The following IMPG1 variants were observed in gnomAD, a reference collection of about 807,000 sequenced individuals.
IMPG1 encodes the protein interphotoreceptor matrix proteoglycan 1.
A neutral mutation model predicts 92.0 loss-of-function variants in IMPG1; 85 were observed. That is an observed-to-expected ratio of 0.92 (90% CI 0.78 to 1.11). The LOEUF (loss-of-function observed/expected upper bound fraction) is 1.11. Ranked by LOEUF, IMPG1 falls within the 50% of genes least tolerant of loss-of-function variation. The probability of loss-of-function intolerance (pLI) is 0.00; values close to 1 mark genes in which losing one functional copy is unlikely to be tolerated. For missense variants in IMPG1, 1,022 were observed against 956.0 expected (o/e 1.07, Z -0.91); for synonymous variants, 367 against 334.1 (o/e 1.10, Z -1.08).
chr6:75,962,926 A>G (rs1252454618), intron 12 of IMPG1, among the ~76,000 whole-genome samples: 1 of 152,066 alleles, frequency 6.6e-6, no homozygotes, highest in Admixed American at 6.6e-5. Context: ...CTGTAGTCCC[A>G]GCTACGTGGG....
Position 75,953,434 on chromosome 6 carries a change from C to T in IMPG1, c.1292-2340G>A, listed in dbSNP as rs142228413. ...CCTCCCCTATCCCTCCCCTACTGTGCGACAGGTGTGTGATGTTCCCCTCCA... is the reference window on the plus strand; with the variant it reads ...CCTCCCCTATCCCTCCCCTACTGTGTGACAGGTGTGTGATGTTCCCCTCCA... On this transcript the variant is annotated intron_variant, in intron 12 of 16. Coordinates refer to ENST00000369950, the MANE Select transcript of IMPG1 (RefSeq NM_001563.4). Among the ~76,000 whole-genome samples the T allele has an allele frequency of 7.2e-3, 1,086 of 151,826 alleles. 10 individuals carry two copies. Among genetic ancestry groups the T allele is most frequent in the African/African-American group, 0.024 (1,010 of 41,380 alleles).
At chr6:75,948,656 C>T (rs376030946) in intron 13 of IMPG1, among the ~76,000 whole-genome samples, 1 of 152,148 alleles carries the variant, frequency 6.6e-6, no homozygotes, top group Non-Finnish European at 1.5e-5. Flanking sequence ...TTGCTTTGGC[C>T]TGGGGTAGAG....
intron 12 of IMPG1, among the ~76,000 whole-genome samples, chr6:75,952,843 G>A (rs946291310): frequency 2.6e-5 from 4 of 152,180 alleles, no homozygotes; most frequent in Non-Finnish European, 5.9e-5. Context: ...TCCAAACCAG[G>A]AGGAGAGCCC....
chr6:75,924,444 A>C (rs1781486337), intron 15 of IMPG1, among the ~76,000 whole-genome samples: 2 of 111,168 alleles, frequency 1.8e-5, no homozygotes, highest in East Asian at 4.8e-4. Flanking sequence ...ATAATTATAT[A>C]ATATAACATA....
intron 1 of IMPG1, among the ~76,000 whole-genome samples, chr6:76,063,766 T>C (rs1372819119): frequency 6.6e-6 from 1 of 152,182 alleles, no homozygotes; most frequent in African/African-American, 2.4e-5. Flanking sequence ...TAGGGCTGGG[T>C]GACTCCAAGA....
At chr6:76,019,889 G>T (rs1456757403) in intron 6 of IMPG1, among the ~76,000 whole-genome samples, 1 of 152,166 alleles carries the variant, frequency 6.6e-6, no homozygotes, top group Admixed American at 6.6e-5. Flanking sequence ...AGCTTTTGAA[G>T]AAGATGGGAC....
chr6:76,005,393 GTCC>G lies in IMPG1; in HGVS notation c.1026_1028del (p.Glu342del), dbSNP rs752328818. On this transcript the variant is annotated inframe_deletion, in exon 10 of 17. Coordinates refer to ENST00000369950, the MANE Select transcript of IMPG1 (RefSeq NM_001563.4). ...CTGTGAGATAGATTTCTGGTTGCTT[GTCC>G]TCCTCCATGGTTCCATGATAGACTT... is the stretch of plus-strand genomic sequence containing the variant. 3 of 1,614,006 alleles carry G rather than the reference GTCC, an allele frequency of 1.9e-6. No homozygotes were observed. Among genetic ancestry groups the G allele is most frequent in the East Asian group, 4.5e-5 (2 of 44,876 alleles).
intron 12 of IMPG1, among the ~76,000 whole-genome samples, chr6:75,974,393 T>TCCTTGC (rs1562354842): frequency 4.6e-5 from 3 of 65,008 alleles, no homozygotes; most frequent in African/African-American, 1.8e-4. Flanking sequence ...CTTTCTTTCT[T>TCCTTGC]TTCTTTCTTT....
At chr6:76,007,551 T>A in intron 8 of IMPG1, 51 bp from the exon 9 acceptor site, 1 of 1,243,972 alleles carries the variant, frequency 8.0e-7, no homozygotes. Context: ...AAAAATTTAA[T>A]GACATTTATT....
At chr6:75,966,995 T>C (rs768039804) in intron 12 of IMPG1, among the ~76,000 whole-genome samples, 50 of 152,218 alleles carry the variant, frequency 3.3e-4, no homozygotes, top group Admixed American at 6.5e-4. Context: ...CTGGCCAACA[T>C]GGCGAAAACC....
rs149369345 is a variant in IMPG1, at chr6:76,040,863, G to A, written c.301+1030C>T. ...AAATAGACATCCAAGAAGTTTTCTG[G>A]ATGTTGGTATTGTGAAATGGGTACT... On this transcript the variant is annotated intron_variant, in intron 2 of 16. Transcript: ENST00000369950. 3.3e-3 allele frequency among the ~76,000 whole-genome samples: 500 copies of A among 152,270 alleles called. 2 individuals carry two copies. Among genetic ancestry groups the A allele is most frequent in the African/African-American group, 0.011 (468 of 41,544 alleles).
At chr6:75,942,544 T>A (rs1476689073) in intron 14 of IMPG1, among the ~76,000 whole-genome samples, 1 of 152,204 alleles carries the variant, frequency 6.6e-6, no homozygotes, top group African/African-American at 2.4e-5. Context: ...ATTTGAGTCC[T>A]TCTTTTCTAG....
intron 3 of IMPG1, 76 bp from the exon 4 acceptor site, chr6:76,034,419 C>A: frequency 7.2e-7 from 1 of 1,379,316 alleles, no homozygotes; most frequent in East Asian, 2.3e-5. Flanking sequence ...AATTTTCATT[C>A]CCTTCTCCCT....
intron 12 of IMPG1, among the ~76,000 whole-genome samples, chr6:75,987,967 C>T (rs1054071650): frequency 6.6e-6 from 1 of 152,154 alleles, no homozygotes; most frequent in South Asian, 2.1e-4. Flanking sequence ...TTTTTTATGG[C>T]TGCATAGTAT....
intron 16 of IMPG1, among the ~76,000 whole-genome samples, chr6:75,922,702 C>A (rs1178607792): frequency 1.3e-5 from 2 of 152,178 alleles, no homozygotes; most frequent in Non-Finnish European, 2.9e-5. Context: ...AATATCAGAT[C>A]CTGTGTCCTA....
intron 1 of IMPG1, among the ~76,000 whole-genome samples, chr6:76,047,676 T>C (rs1342276972): frequency 6.6e-6 from 1 of 150,484 alleles, no homozygotes; most frequent in Non-Finnish European, 1.5e-5. Flanking sequence ...GCAATACATA[T>C]TAATTAAGTG....
chr6:76,018,916 A>G, intron 6 of IMPG1, 58 bp from the exon 7 acceptor site: 1 of 1,447,796 alleles, frequency 6.9e-7, no homozygotes, highest in Admixed American at 2.3e-5. Flanking sequence ...ATAAATGGTT[A>G]TTTTAGATAA....
rs1216247740 is a variant in IMPG1 at position 75,935,154 on chromosome 6, C to G, written c.2045-4003G>C. The G allele has an allele frequency of 4.8e-5, 19 of 397,232 alleles. No individual in the cohort carries two copies. In the East Asian group the frequency reaches 1.4e-3, roughly 29 times the overall value. The allele number at this position is 397,232 out of a possible 1,614,324, so 24.6% of individuals were successfully genotyped here. A position where few individuals can be genotyped will look rare whatever the true frequency, so the allele number is the denominator to read the frequency against. On this transcript the variant is annotated intron_variant, in intron 14 of 16. Transcript: ENST00000369950. Reference sequence around the variant, plus strand: ...CTTCGGGAATGACATTTTAAGCACCCCAGCTGATTTCTGACTTTAAAAACC... The same window carrying G: ...CTTCGGGAATGACATTTTAAGCACCGCAGCTGATTTCTGACTTTAAAAACC...
intron 1 of IMPG1, among the ~76,000 whole-genome samples, chr6:76,057,509 G>A (rs1013604623): frequency 2.0e-5 from 3 of 152,080 alleles, no homozygotes; most frequent in Non-Finnish European, 2.9e-5. Context: ...CAAAGACAGA[G>A]TATAAGCACC....
Sources: allele counts gnomAD v4.1 joint callset (sites outside exome capture counted in the v4.1 genomes callset), GRCh38; gene constraint gnomAD v4.1.1; transcripts MANE v1.5; gene names NCBI Gene and HGNC (gene_info 2026-07-23, HGNC 2026-07-21).